Variants in TEX11 observed in about 807,000 individuals in gnomAD.
The protein encoded by TEX11 is testis expressed 11.
In TEX11, 7 loss-of-function variants were observed where a neutral mutation model predicts 84.4. That is an observed-to-expected ratio of 0.08 (90% CI 0.05 to 0.16). The LOEUF (loss-of-function observed/expected upper bound fraction) is 0.16. TEX11 is among the 10% of genes least tolerant of loss of function. The pLI is 1.00. For missense variants in TEX11, 551 were observed against 660.5 expected, an observed-to-expected ratio of 0.83 and a Z score of 1.82; for synonymous variants, 264 against 222.8, an observed-to-expected ratio of 1.18 and a Z score of -1.64.
intron 28 of TEX11, among the ~76,000 whole-genome samples, chrX:70,550,909 C>A (rs1289534935): frequency 9.0e-6 from 1 of 111,304 alleles, no homozygotes; most frequent in Non-Finnish European, 1.9e-5. Flanking sequence ...GATATATACC[C>A]AAAAGAAAGG....
chrX:70,822,402 T>C (rs1204105666), intron 8 of TEX11, among the ~76,000 whole-genome samples: 1 of 111,018 alleles, frequency 9.0e-6, no homozygotes, highest in Non-Finnish European at 1.9e-5. Flanking sequence ...AACAACCTAA[T>C]ACCTGTTGAT....
chrX:70,731,942 A>C (rs2090655677), intron 11 of TEX11, among the ~76,000 whole-genome samples: 2 of 111,844 alleles, frequency 1.8e-5, no homozygotes, highest in African/African-American at 6.5e-5. Flanking sequence ...GCACATCAAA[A>C]AGCTTATCCA....
rs756835391 is a variant in TEX11, at chrX:70,760,662, GA to G, written c.693-16444del. ...ACCTAAAACCATAAAAACCCTAGAA[GA>G]AAACCTAGGCAATACCATTCAGGAC... On this transcript the variant is annotated intron_variant, in intron 9 of 29. Transcript: ENST00000374333. 1.9e-4 allele frequency among the ~76,000 whole-genome samples: 21 copies of G among 111,855 alleles called. No homozygotes were observed. The East Asian group carries it at 5.1e-3, about 27-fold the overall frequency.
chrX:70,679,352 G>A (rs1277611026), intron 14 of TEX11, among the ~76,000 whole-genome samples: 4 of 109,752 alleles, frequency 3.6e-5, no homozygotes, highest in Non-Finnish European at 3.8e-5. Context: ...GCCTCTGCCC[G>A]GCCACCACCC....
the TEX11 span, among the ~76,000 whole-genome samples, chrX:70,513,541 A>G: frequency 9.4e-6 from 1 of 106,222 alleles, no homozygotes; most frequent in Non-Finnish European, 1.9e-5. Flanking sequence ...CCCCAGCTGG[A>G]GTGCAGTGGC....
intron 13 of TEX11, 61 bp downstream of exon 13, chrX:70,722,557 G>C: frequency 1.1e-6 from 1 of 945,638 alleles, no homozygotes; most frequent in East Asian, 3.2e-5. Flanking sequence ...TTCTAGGTGT[G>C]AGCCACTGGT....
intron 7 of TEX11, among the ~76,000 whole-genome samples, chrX:70,844,215 T>C (rs1336773728): frequency 9.1e-6 from 1 of 110,217 alleles, no homozygotes; most frequent in Non-Finnish European, 1.9e-5. Context: ...GCAACCTAAA[T>C]GTCCAATAAC....
chrX:70,662,539 G>T (rs915893042), intron 16 of TEX11, among the ~76,000 whole-genome samples: 1 of 110,719 alleles, frequency 9.0e-6, no homozygotes, highest in Non-Finnish European at 1.9e-5. Context: ...TCCTCGAGAA[G>T]AGCAACTCCA....
intron 7 of TEX11, among the ~76,000 whole-genome samples, chrX:70,834,868 CGTG>C (rs758961852): frequency 3.6e-5 from 4 of 110,338 alleles, no homozygotes; most frequent in Admixed American, 9.7e-5. Flanking sequence ...CTCTTCTTTA[CGTG>C]GTGTCAAATA....
intron 9 of TEX11, among the ~76,000 whole-genome samples, chrX:70,788,967 TATATATAGAGAGAGAGAGAGAG>T (rs1418586309): frequency 0.015 from 484 of 31,841 alleles, 2 homozygotes; most frequent in Non-Finnish European, 0.018. Context: ...TATATATATA[TATATATAGAGAGAGAGAGAGAG>T]AGAGAGAGAG....
At chrX:70,534,310 G>T (rs2087928229) in intron 28 of TEX11, among the ~76,000 whole-genome samples, 1 of 110,257 alleles carries the variant, frequency 9.1e-6, no homozygotes, top group East Asian at 2.8e-4. Flanking sequence ...CAAATTGATT[G>T]ATAGTACTTG....
intron 8 of TEX11, among the ~76,000 whole-genome samples, chrX:70,816,211 GAAT>G (rs1272170517): frequency 2.7e-5 from 3 of 111,875 alleles, no homozygotes; most frequent in African/African-American, 9.7e-5. Flanking sequence ...ACTTCGCTTA[GAAT>G]AATAGTCTCC....
At chrX:70,660,790 C>T (rs1300424291) in intron 16 of TEX11, among the ~76,000 whole-genome samples, 2 of 112,530 alleles carry the variant, frequency 1.8e-5, no homozygotes, top group African/African-American at 3.2e-5. Context: ...AATCCCAACA[C>T]TTTGGGAGGT....
At chrX:70,878,267 G>C (rs1402737887) in intron 3 of TEX11, among the ~76,000 whole-genome samples, 3 of 106,308 alleles carry the variant, frequency 2.8e-5, no homozygotes, top group African/African-American at 1.0e-4. Context: ...CCGCCTTCTG[G>C]GTTCACGCCA....
the TEX11 span, among the ~76,000 whole-genome samples, chrX:70,518,950 T>C: frequency 7.1e-5 from 8 of 111,921 alleles, no homozygotes; most frequent in Non-Finnish European, 1.5e-4. Flanking sequence ...CTCTTTTTTG[T>C]TTTCCATTTT....
intron 8 of TEX11, among the ~76,000 whole-genome samples, chrX:70,825,905 G>A (rs1403635771): frequency 9.0e-6 from 1 of 111,551 alleles, no homozygotes; most frequent in Non-Finnish European, 1.9e-5. Context: ...TTGAACCCGG[G>A]AGACAGAGGT....
At chrX:70,776,210 TAA>T (rs753058444) in intron 9 of TEX11, among the ~76,000 whole-genome samples, 1 of 111,120 alleles carries the variant, frequency 9.0e-6, no homozygotes, top group South Asian at 3.8e-4. Context: ...GTAATCAACC[TAA>T]GTGTCCATCA....
intron 17 of TEX11, among the ~76,000 whole-genome samples, chrX:70,640,757 C>G (rs1030820264): frequency 2.3e-4 from 25 of 110,200 alleles, no homozygotes; most frequent in Non-Finnish European, 4.0e-4. Context: ...CCTAAAAGAG[C>G]TCCTGAAGGA....
chrX:70,591,722 T>C, intron 25 of TEX11, 29 bp downstream of exon 25: 1 of 1,135,426 alleles, frequency 8.8e-7, no homozygotes, highest in South Asian at 1.9e-5. Context: ...TTTCAAACTG[T>C]GTTACCAAAC....
Sources: allele counts gnomAD v4.1 joint callset (sites outside exome capture counted in the v4.1 genomes callset), GRCh38; gene constraint gnomAD v4.1.1; transcripts MANE v1.5; gene names NCBI Gene and HGNC (gene_info 2026-07-23, HGNC 2026-07-21).